The following PTPRD variants were observed in gnomAD, a reference collection of about 807,000 sequenced individuals.
PTPRD encodes receptor-type tyrosine-protein phosphatase delta.
In PTPRD, 34 loss-of-function variants were observed where a neutral mutation model predicts 214.5. The ratio of observed to expected loss-of-function variants is 0.16; its 90% CI spans 0.12 to 0.21. The LOEUF is 0.21. Among genes scored for constraint, PTPRD ranks in the 10% least tolerant of loss-of-function variants. PTPRD has a pLI of 1.00. For missense variants in PTPRD, 2,545 were observed against 2,398.7 expected, an observed-to-expected ratio of 1.06 and a Z score of -1.27; for synonymous variants, 1,128 against 845.7, an observed-to-expected ratio of 1.33 and a Z score of -5.79.
At chr9:8,716,069 G>C (rs972339772) in intron 12 of PTPRD, among the ~76,000 whole-genome samples, 2 of 152,138 alleles carry the variant, frequency 1.3e-5, no homozygotes, top group African/African-American at 4.8e-5. Context: ...GTCCCTAAGA[G>C]AAAAAAGGAG....
chr9:9,571,467 C>T (rs1193501608), intron 8 of PTPRD, among the ~76,000 whole-genome samples: 2 of 151,088 alleles, frequency 1.3e-5, no homozygotes, highest in Non-Finnish European at 3.0e-5. Context: ...ATTTTAGAAG[C>T]AATAAATATA....
At chr9:9,981,905 CTGT>C (rs763177149) in intron 4 of PTPRD, among the ~76,000 whole-genome samples, 1 of 152,114 alleles carries the variant, frequency 6.6e-6, no homozygotes, top group African/African-American at 2.4e-5. Context: ...CAGGGCTTTT[CTGT>C]TGTTGTTCAA....
intron 10 of PTPRD, among the ~76,000 whole-genome samples, chr9:9,061,233 C>T (rs893441397): frequency 9.2e-5 from 14 of 152,022 alleles, no homozygotes; most frequent in Admixed American, 5.9e-4. Context: ...TTTTTCTATG[C>T]GTTATACTGC....
chr9:8,337,143 G>A (rs1009242587), intron 43 of PTPRD, among the ~76,000 whole-genome samples: 1 of 152,152 alleles, frequency 6.6e-6, no homozygotes, highest in Non-Finnish European at 1.5e-5. Context: ...AAAGACACAT[G>A]CACACGTATG....
intron 11 of PTPRD, among the ~76,000 whole-genome samples, chr9:8,839,241 G>C (rs994936951): frequency 1.3e-5 from 2 of 152,092 alleles, no homozygotes; most frequent in Non-Finnish European, 2.9e-5. Flanking sequence ...TAATGAGAAA[G>C]TGTTTTGCCT....
intron 5 of PTPRD, among the ~76,000 whole-genome samples, chr9:9,799,016 C>T (rs756002397): frequency 5.9e-5 from 9 of 152,230 alleles, no homozygotes; most frequent in Non-Finnish European, 1.2e-4. Flanking sequence ...TACTTATTAA[C>T]GTAACATCAG....
intron 11 of PTPRD, among the ~76,000 whole-genome samples, chr9:8,750,757 G>C (rs2093438674): frequency 6.6e-6 from 1 of 152,152 alleles, no homozygotes; most frequent in Admixed American, 6.5e-5. Context: ...AGGCAGACTG[G>C]GAAAATAAAG....
chr9:9,002,387 A>T (rs1189447545), intron 11 of PTPRD, among the ~76,000 whole-genome samples: 1 of 152,070 alleles, frequency 6.6e-6, no homozygotes, highest in Non-Finnish European at 1.5e-5. Flanking sequence ...AGCCCATACT[A>T]AAGAACAATT....
At chr9:10,238,076 C>A (rs1031186235) in intron 3 of PTPRD, among the ~76,000 whole-genome samples, 1 of 151,312 alleles carries the variant, frequency 6.6e-6, no homozygotes, top group African/African-American at 2.4e-5. Context: ...GTGAAAACAA[C>A]GAAATAGAGC....
intron 8 of PTPRD, among the ~76,000 whole-genome samples, chr9:9,484,521 C>T (rs908281046): frequency 6.6e-6 from 1 of 152,114 alleles, no homozygotes; most frequent in Non-Finnish European, 1.5e-5. Context: ...ATTCAAGATT[C>T]ATGTTTGTTG....
At chr9:10,082,386 A>C (rs2098254175) in intron 3 of PTPRD, among the ~76,000 whole-genome samples, 1 of 152,134 alleles carries the variant, frequency 6.6e-6, no homozygotes, top group South Asian at 2.1e-4. Flanking sequence ...ATCATCCTAC[A>C]TAAGAGTTGC....
Position 9,010,917 on chromosome 9 carries a change from G to A in PTPRD, c.-104+7780C>T, listed in dbSNP as rs144374126. Among the ~76,000 whole-genome samples, 633 of 152,150 alleles carry A rather than the reference G, an allele frequency of 4.2e-3. 4 individuals are homozygous for A. Among genetic ancestry groups the A allele is most frequent in the Admixed American group, 7.5e-3 (115 of 15,274 alleles). On this transcript the variant is annotated intron_variant, in intron 11 of 45. Transcript: ENST00000381196. ...TTATTGCACAACAGCCACCAAGGGCGTCCTCACGAAAGTATGAATAAATAC... is the reference window on the plus strand; with the variant it reads ...TTATTGCACAACAGCCACCAAGGGCATCCTCACGAAAGTATGAATAAATAC...
chr9:9,663,686 A>C (rs2096661536), intron 7 of PTPRD, among the ~76,000 whole-genome samples: 1 of 151,626 alleles, frequency 6.6e-6, no homozygotes, highest in Non-Finnish European at 1.5e-5. Flanking sequence ...CCTGAATTTG[A>C]TCTTTATTTA....
chr9:9,670,956 G>A lies in PTPRD; in HGVS notation c.-287+63577C>T, dbSNP rs7875198. On this transcript the variant is annotated intron_variant, in intron 7 of 45. Transcript: ENST00000381196. ...CAGAGTCTCTACTCGTAGTGGAGTA[G>A]TAAGAAGAGTAAGAAGAGTCTCTAT... 7.8e-3 allele frequency among the ~76,000 whole-genome samples: 1,183 copies of A among 152,272 alleles called. 10 individuals carry two copies. The highest frequency in any genetic ancestry group is 0.027 in the African/African-American group (1,120 of 41,552).
chr9:9,557,261 G>A (rs2081766162), intron 8 of PTPRD, among the ~76,000 whole-genome samples: 1 of 152,052 alleles, frequency 6.6e-6, no homozygotes, highest in South Asian at 2.1e-4. Context: ...CCTAAATGTA[G>A]CCTCCTACCT....
chr9:8,375,285 G>A (rs1009664893), intron 39 of PTPRD, among the ~76,000 whole-genome samples: 2 of 151,888 alleles, frequency 1.3e-5, no homozygotes, highest in Non-Finnish European at 2.9e-5. Flanking sequence ...CAATCTGAGT[G>A]GTGATGTAGC....
At position 9,314,511 on chromosome 9, in the gene PTPRD, C is replaced by T. The variant is rs116352678; in HGVS notation, c.-203+82938G>A. 3.8e-3 allele frequency among the ~76,000 whole-genome samples: 572 copies of T among 152,146 alleles called. 4 individuals are homozygous for T. The highest frequency in any genetic ancestry group is 0.013 in the African/African-American group (545 of 41,528). On this transcript the variant is annotated intron_variant, in intron 9 of 45. Transcript: ENST00000381196. ...TAGTTTATGATTTCATGGCACATGG[C>T]CTGGCTTGACAAAATGTTATCAAAT...
intron 8 of PTPRD, among the ~76,000 whole-genome samples, chr9:9,542,457 T>A (rs2077816097): frequency 1.3e-5 from 2 of 151,762 alleles, no homozygotes; most frequent in Non-Finnish European, 2.9e-5. Flanking sequence ...AAAAAAGTTA[T>A]ATTGAATTTC....
chr9:9,799,305 A>T (rs559193417), intron 5 of PTPRD: 1 of 152,264 alleles, frequency 6.6e-6, no homozygotes, highest in East Asian at 1.9e-4. Flanking sequence ...TATAGAATGT[A>T]GCTCTTTAAA....
Sources: allele counts gnomAD v4.1 joint callset (sites outside exome capture counted in the v4.1 genomes callset), GRCh38; gene constraint gnomAD v4.1.1; transcripts MANE v1.5; gene names NCBI Gene and HGNC (gene_info 2026-07-23, HGNC 2026-07-21).